Variants in DNMT1 observed in about 807,000 individuals in gnomAD.
The protein encoded by DNMT1 is DNA (cytosine-5)-methyltransferase 1.
DNMT1 carries 24 observed loss-of-function variants against 205.3 expected under a neutral mutation model. The ratio of observed to expected loss-of-function variants is 0.12; its 90% confidence interval spans 0.08 to 0.16. The LOEUF is 0.16. Among genes scored for constraint, DNMT1 ranks in the 10% least tolerant of loss-of-function variants. The pLI is 1.00. For missense variants in DNMT1, 1,293 were observed against 2,177.7 expected (o/e 0.59, Z 8.09); for synonymous variants, 817 against 839.8 (o/e 0.97, Z 0.47).
chr19:10,163,105 G>T, intron 12 of DNMT1: 1 of 598,652 alleles, frequency 1.7e-6, no homozygotes, highest in Admixed American at 2.9e-5. Flanking sequence ...GGGATTATAG[G>T]CACCCGCCAC....
At position 10,194,953 on chromosome 19, in the gene DNMT1, C is replaced by T. The variant is rs1050140019; in HGVS notation, c.-54G>A. On this transcript the variant is annotated 5_prime_UTR_variant, in exon 1 of 41. Transcript: ENST00000359526. ...GCAGCGCAGGCGCCCCGGCTTTTCG[C>T]GCGGAAACCGATGGGGAGGGGCGAT... The T allele has an allele frequency of 1.9e-6, 3 of 1,555,498 alleles. No individual in the cohort carries two copies. Among genetic ancestry groups the T allele is most frequent in the Admixed American group, 1.9e-5 (1 of 52,010 alleles).
In DNMT1 at chr19:10,180,865, C is replaced by T; in HGVS notation, c.138G>A (p.Leu46=). 6.2e-7 allele frequency: 1 copy of T among 1,614,146 alleles called. No individual in the cohort carries two copies. The highest frequency in any genetic ancestry group is 1.1e-5 in the South Asian group (1 of 91,072). ...TTTGCAGAAATTCGTGCAAGAGATTCAATTTCTCCTTCACACATTCCTAAG... is the reference window on the plus strand; with the variant it reads ...TTTGCAGAAATTCGTGCAAGAGATTTAATTTCTCCTTCACACATTCCTAAG... ...LTEKECVKEK[L]NLLHEFLQTE... Residue 46 remains leucine (L), a synonymous_variant, in exon 3 of 41, where the codon TTG becomes TTA. Transcript: ENST00000359526.
rs1307984615 is a variant in DNMT1 at position 10,156,218 on chromosome 19, T to TA, written c.1399+172_1399+173insT. On this transcript the variant is annotated intron_variant, in intron 18 of 40. Coordinates refer to ENST00000359526, the MANE Select transcript of DNMT1 (RefSeq NM_001130823.3). This position sits in a 1 kb window ranked among gnomAD's most constrained non-coding sequence, Gnocchi z 4.2. ...GTATACTATATATATATGCTATATATTTTTTTTTAATAGAGGCAGGCTCTT... is the reference window on the plus strand; with the variant it reads ...GTATACTATATATATATGCTATATATATTTTTTTTAATAGAGGCAGGCTCTT... Among the ~76,000 whole-genome samples, 14 of 149,334 alleles carry TA rather than the reference T, an allele frequency of 9.4e-5. No homozygotes were observed. Among genetic ancestry groups the TA allele is most frequent in the Non-Finnish European group, 4.4e-5 (3 of 67,514 alleles).
intron 29 of DNMT1, among the ~76,000 whole-genome samples, chr19:10,143,280 T>C: frequency 6.6e-6 from 1 of 151,886 alleles, no homozygotes; most frequent in African/African-American, 2.4e-5. Context: ...AGTGGTGGGA[T>C]CATGGCTCAC....
At chr19:10,166,816 C>A (rs2038705404) in intron 10 of DNMT1, 131 bp from the exon 11 acceptor site, 1 of 914,072 alleles carries the variant, frequency 1.1e-6, no homozygotes, top group African/African-American at 1.6e-5. Context: ...CCTGTCTTCA[C>A]TGCAGGAAGC....
rs201675396 is a variant in DNMT1 at position 10,174,735 on chromosome 19, AC to A, written c.648+804del. 3.4e-4 allele frequency among the ~76,000 whole-genome samples: 51 copies of A among 149,962 alleles called. 1 individual carries two copies. The South Asian group carries it at 8.4e-3, about 25-fold the overall frequency. ...AAAATTAAAAACAACAACAACAACAACAAAAAAAACAAATTGGCTGGGCACG... is the reference window on the plus strand; with the variant it reads ...AAAATTAAAAACAACAACAACAACAAAAAAAAAACAAATTGGCTGGGCACG... On this transcript the variant is annotated intron_variant, in intron 7 of 40. Coordinates refer to ENST00000359526, the MANE Select transcript of DNMT1 (RefSeq NM_001130823.3).
intron 7 of DNMT1, 139 bp downstream of exon 7, chr19:10,175,401 A>G (rs1207224329): frequency 3.5e-6 from 3 of 854,376 alleles, no homozygotes; most frequent in Non-Finnish European, 3.9e-6. Flanking sequence ...TATACATTCT[A>G]TTGGTCCTGT....
chr19:10,154,051 T>C lies in DNMT1; in HGVS notation c.2019+242A>G, dbSNP rs2038403792. Among the ~76,000 whole-genome samples the C allele has an allele frequency of 6.6e-6, 1 of 152,198 alleles. No individual in the cohort carries two copies. Among genetic ancestry groups the C allele is most frequent in the East Asian group, 1.9e-4 (1 of 5,188 alleles). Reference sequence around the variant, plus strand: ...CAGCAGAGCCACCCAGAAGCCAGGCTCTTCAATTAAGGACAGTGGCATTAT... The same window carrying C: ...CAGCAGAGCCACCCAGAAGCCAGGCCCTTCAATTAAGGACAGTGGCATTAT... On this transcript the variant is annotated intron_variant, in intron 22 of 40. Transcript: ENST00000359526. This position sits in a 1 kb window ranked among gnomAD's most constrained non-coding sequence, Gnocchi z 6.3.
intron 1 of DNMT1, among the ~76,000 whole-genome samples, chr19:10,190,653 T>C (rs1239990603): frequency 6.6e-6 from 1 of 151,768 alleles, no homozygotes; most frequent in African/African-American, 2.4e-5. Context: ...TAATCCCAGC[T>C]ACTCAGGAGG....
chr19:10,141,854 A>G (rs2089606542), intron 30 of DNMT1, 174 bp downstream of exon 30: 1 of 678,860 alleles, frequency 1.5e-6, no homozygotes, highest in Non-Finnish European at 2.5e-6. Flanking sequence ...GCTCTGGAGA[A>G]CCCTGCTCAG....
Position 10,156,321 on chromosome 19 carries a change from A to T in DNMT1, c.1399+70T>A. The T allele has an allele frequency of 7.9e-7, 1 of 1,260,054 alleles. No individual in the cohort carries two copies. Among genetic ancestry groups the T allele is most frequent in the Non-Finnish European group, 1.2e-6 (1 of 862,862 alleles). 78.1% of individuals were successfully genotyped at this position (1,260,054 alleles called of 1,614,324 possible). A position where few individuals can be genotyped will look rare whatever the true frequency, so the allele number is the denominator to read the frequency against. On this transcript the variant is annotated intron_variant, in intron 18 of 40. Coordinates refer to ENST00000359526, the MANE Select transcript of DNMT1 (RefSeq NM_001130823.3). The surrounding 1 kb of genome is among the most constrained non-coding windows in gnomAD (Gnocchi z 4.2). ...CTCAGACCCCCAAAGTGCTAGGATTACAGATGTGAGCCACCCTGCCTGGCT... is the reference window on the plus strand; with the variant it reads ...CTCAGACCCCCAAAGTGCTAGGATTTCAGATGTGAGCCACCCTGCCTGGCT...
At chr19:10,136,035 C>G in intron 38 of DNMT1, 86 bp downstream of exon 38, 3 of 1,587,866 alleles carry the variant, frequency 1.9e-6, no homozygotes, top group South Asian at 1.1e-5. Flanking sequence ...TGCTGTCCCC[C>G]ACTTGGCTAA....
chr19:10,153,037 T>C (rs952954060), intron 22 of DNMT1, among the ~76,000 whole-genome samples: 3 of 151,334 alleles, frequency 2.0e-5, no homozygotes, highest in Admixed American at 6.6e-5. Context: ...AGAAGCCAGA[T>C]AGGTGGTGTG....
chr19:10,162,785 A>G, intron 12 of DNMT1, 37 bp from the exon 13 acceptor site: 1 of 1,607,866 alleles, frequency 6.2e-7, no homozygotes, highest in Non-Finnish European at 8.5e-7. Flanking sequence ...GTAGCAGCTT[A>G]GAAACACTAA....
Position 10,137,367 on chromosome 19 carries a change from T to C in DNMT1, c.4294-87A>G, listed in dbSNP as rs982716298. Reference sequence around the variant, plus strand: ...GGGCTGGGAGCTGGGAACACCATGGTGACCAGGAAGCCCCCTGGGGCTCAC... The same window carrying C: ...GGGCTGGGAGCTGGGAACACCATGGCGACCAGGAAGCCCCCTGGGGCTCAC... On this transcript the variant is annotated intron_variant, in intron 36 of 40. Transcript: ENST00000359526. The surrounding 1 kb of genome is among the most constrained non-coding windows in gnomAD (Gnocchi z 6.4). The C allele has an allele frequency of 2.3e-5, 35 of 1,490,064 alleles. No individual in the cohort carries two copies. Among genetic ancestry groups the C allele is most frequent in the Non-Finnish European group, 2.9e-5 (32 of 1,103,592 alleles). The allele number at this position is 1,490,064 out of a possible 1,614,324, so 92.3% of individuals were successfully genotyped here. A position where few individuals can be genotyped will look rare whatever the true frequency, so the allele number is the denominator to read the frequency against.
rs144675407 is a variant in DNMT1 at position 10,140,896 on chromosome 19, G to C, written c.3408C>G (p.Pro1136=). The change falls in exon 32 of 41, where the codon CCC becomes CCG. Residue 1136 remains proline (P), a synonymous_variant. Transcript: ENST00000359526. The surrounding 1 kb of genome is among the most constrained non-coding windows in gnomAD (Gnocchi z 8.4). ...CGCTCGGCTCACAGGCTTGGGACTT[G>C]GGCTTGCCCTTCCCTGGGGGAGAGA... ...GKGKGKGKGK[P]KSQACEPSEP... is the part of the protein sequence containing the mutation. 726 of 1,614,050 alleles carry C rather than the reference G, an allele frequency of 4.5e-4. 12 individuals carry two copies. The East Asian group carries it at 0.015, about 34-fold the overall frequency.
At chr19:10,165,032 T>C (rs974709503) in intron 11 of DNMT1, among the ~76,000 whole-genome samples, 7 of 142,514 alleles carry the variant, frequency 4.9e-5, no homozygotes, top group African/African-American at 1.3e-4. Flanking sequence ...GGGACTGAGA[T>C]AGGTGGATAA....
chr19:10,162,821 T>A, intron 12 of DNMT1, 73 bp from the exon 13 acceptor site: 1 of 1,519,664 alleles, frequency 6.6e-7, no homozygotes, highest in Non-Finnish European at 9.1e-7. Flanking sequence ...GCACGGAAAG[T>A]GACAAACTAA....
intron 1 of DNMT1, 126 bp from the exon 2 acceptor site, chr19:10,182,203 A>G: frequency 1.0e-6 from 1 of 974,182 alleles, no homozygotes; most frequent in Non-Finnish European, 1.6e-6. Context: ...GTTAGAAAAA[A>G]CTAAGCTGGC....
Sources: gnomAD v4.1 joint callset for allele counts (sites outside exome capture counted in the v4.1 genomes callset) on GRCh38, gnomAD v4.1.1 for gene constraint, Gnocchi (gnomAD v3.1) non-coding constraint, MANE v1.5 for transcripts, NCBI Gene and HGNC (gene_info 2026-07-23, HGNC 2026-07-21) for gene names.